TRABD2B: variants seen among roughly 807,000 people sequenced by gnomAD.
TRABD2B encodes the protein metalloprotease TIKI2.
Under a neutral mutation model 40.1 loss-of-function variants are expected in TRABD2B, and 14 were observed. That is an observed-to-expected ratio of 0.35 (90% CI 0.23 to 0.55). TRABD2B has a LOEUF of 0.55. Ranked by LOEUF, TRABD2B falls within the 20% of genes least tolerant of loss-of-function variation. TRABD2B has a pLI of 0.90. For synonymous variants in TRABD2B, 263 were observed against 277.0 expected (o/e 0.95, Z 0.50); for missense variants, 541 against 648.6 (o/e 0.83, Z 1.80).
chr1:47,795,560 G>A (rs993770910), intron 3 of TRABD2B: 56 of 732,726 alleles, frequency 7.6e-5, no homozygotes, highest in Middle Eastern at 1.3e-3. Flanking sequence ...GCGTGGCACC[G>A]GGCAAGTTAC....
At chr1:47,957,167 A>C (rs926974547) in intron 2 of TRABD2B, among the ~76,000 whole-genome samples, 2 of 152,212 alleles carry the variant, frequency 1.3e-5, no homozygotes, top group Non-Finnish European at 2.9e-5. Context: ...AAGAAAACTC[A>C]CAAACAGAAA....
chr1:47,821,908 A>T (rs1373292686), intron 2 of TRABD2B, among the ~76,000 whole-genome samples: 1 of 152,146 alleles, frequency 6.6e-6, no homozygotes, highest in Admixed American at 6.6e-5. Flanking sequence ...AGGGGGTGGA[A>T]CAATGAGGCA....
chr1:47,923,191 G>A (rs766287351), intron 2 of TRABD2B, among the ~76,000 whole-genome samples: 7 of 152,166 alleles, frequency 4.6e-5, no homozygotes, highest in African/African-American at 1.2e-4. Context: ...AGCCCCCTCC[G>A]GCCTTGGTCT....
chr1:47,896,369 A>G (rs921561717), intron 2 of TRABD2B, among the ~76,000 whole-genome samples: 5 of 152,094 alleles, frequency 3.3e-5, no homozygotes, highest in Non-Finnish European at 1.5e-5. Context: ...GCTAACAAAG[A>G]AACTCTGGGT....
intron 2 of TRABD2B, among the ~76,000 whole-genome samples, chr1:47,815,832 G>C (rs968184212): frequency 2.0e-5 from 3 of 146,378 alleles, no homozygotes; most frequent in Non-Finnish European, 3.1e-5. Context: ...TAGATAGATA[G>C]ATAGATAGAT....
chr1:47,887,853 G>T (rs1017532692), intron 2 of TRABD2B, among the ~76,000 whole-genome samples: 10 of 152,194 alleles, frequency 6.6e-5, no homozygotes, highest in Admixed American at 2.0e-4. Context: ...CGCCACCCCT[G>T]ACAGCTTCCT....
intron 2 of TRABD2B, among the ~76,000 whole-genome samples, chr1:47,896,820 G>A (rs1383490107): frequency 6.6e-6 from 1 of 152,192 alleles, no homozygotes; most frequent in Non-Finnish European, 1.5e-5. Flanking sequence ...TGGGAATCAT[G>A]ACAACTCATC....
chr1:47,921,323 C>T (rs965147212), intron 2 of TRABD2B, among the ~76,000 whole-genome samples: 2 of 152,124 alleles, frequency 1.3e-5, no homozygotes, highest in Admixed American at 6.5e-5. Flanking sequence ...AAGTTGCCTC[C>T]GCTGCCAGGG....
chr1:47,837,309 T>C (rs2124471791), intron 2 of TRABD2B, among the ~76,000 whole-genome samples: 1 of 152,298 alleles, frequency 6.6e-6, no homozygotes, highest in Middle Eastern at 3.4e-3. Flanking sequence ...TTTCCCACAT[T>C]AGGACGTCTT....
intron 2 of TRABD2B, among the ~76,000 whole-genome samples, chr1:47,823,775 G>C (rs1269390193): frequency 1.3e-5 from 2 of 152,160 alleles, no homozygotes; most frequent in Non-Finnish European, 2.9e-5. Flanking sequence ...CTAACCCTCT[G>C]GGTTTTCACA....
chr1:47,865,817 G>T (rs572386679), intron 2 of TRABD2B, among the ~76,000 whole-genome samples: 2 of 152,176 alleles, frequency 1.3e-5, no homozygotes, highest in Non-Finnish European at 2.9e-5. Context: ...AAGTGAGAGT[G>T]GCAGACACTT....
intron 2 of TRABD2B, among the ~76,000 whole-genome samples, chr1:47,901,630 A>G (rs1644600979): frequency 6.6e-6 from 1 of 152,234 alleles, no homozygotes; most frequent in Non-Finnish European, 1.5e-5. Context: ...CAAGGAGTTC[A>G]TGGTCTAATG....
intron 2 of TRABD2B, among the ~76,000 whole-genome samples, chr1:47,876,730 G>T (rs1250698345): frequency 6.6e-6 from 1 of 152,216 alleles, no homozygotes; most frequent in Non-Finnish European, 1.5e-5. Context: ...GGGAGTGAGT[G>T]CTGCCCCACT....
chr1:47,920,491 T>G (rs1644887734), intron 2 of TRABD2B, among the ~76,000 whole-genome samples: 1 of 152,204 alleles, frequency 6.6e-6, no homozygotes, highest in South Asian at 2.1e-4. Context: ...TGTTTTCCCC[T>G]GGGGGCAGCC....
chr1:47,843,406 C>T (rs1218046421), intron 2 of TRABD2B, among the ~76,000 whole-genome samples: 3 of 152,046 alleles, frequency 2.0e-5, no homozygotes, highest in Non-Finnish European at 2.9e-5. Flanking sequence ...GGACGTAGGG[C>T]GAGAGCAAGA....
intron 4 of TRABD2B, among the ~76,000 whole-genome samples, chr1:47,784,638 G>A (rs1439775878): frequency 2.0e-5 from 3 of 152,204 alleles, no homozygotes; most frequent in Non-Finnish European, 4.4e-5. Flanking sequence ...CAGGCCGGCC[G>A]GATATCAAGC....
At chr1:47,843,464 G>A (rs1645426905) in intron 2 of TRABD2B, among the ~76,000 whole-genome samples, 1 of 152,196 alleles carries the variant, frequency 6.6e-6, no homozygotes, top group African/African-American at 2.4e-5. Flanking sequence ...CTGTCGGAGT[G>A]GAGCAGGCTT....
At chr1:47,839,414 C>T (rs1645364410) in intron 2 of TRABD2B, among the ~76,000 whole-genome samples, 1 of 152,168 alleles carries the variant, frequency 6.6e-6, no homozygotes, top group Admixed American at 6.5e-5. Flanking sequence ...CTAACCAGTC[C>T]CCCAGTGAGA....
intron 2 of TRABD2B, among the ~76,000 whole-genome samples, chr1:47,934,003 T>C (rs1263069092): frequency 6.6e-6 from 1 of 152,208 alleles, no homozygotes; most frequent in Non-Finnish European, 1.5e-5. Flanking sequence ...AGGGTTGTTT[T>C]ATTGGACAGC....
Sources: gnomAD v4.1 joint callset for allele counts (sites outside exome capture counted in the v4.1 genomes callset) on GRCh38, gnomAD v4.1.1 for gene constraint, MANE v1.5 for transcripts, NCBI Gene and HGNC (gene_info 2026-07-23, HGNC 2026-07-21) for gene names.